Variants in PRKG1 observed in about 807,000 individuals in gnomAD.
PRKG1 encodes protein kinase cGMP-dependent 1, also known as cGMP-dependent protein kinase 1.
In PRKG1, 35 loss-of-function variants were observed where a neutral mutation model predicts 88.1. The ratio of observed to expected loss-of-function variants is 0.40; its 90% confidence interval spans 0.30 to 0.53. PRKG1 has a LOEUF of 0.53. Among genes scored for constraint, PRKG1 ranks in the 20% least tolerant of loss-of-function variants. The pLI, the probability that PRKG1 is intolerant of heterozygous loss-of-function variation, is 0.59. For missense variants in PRKG1, 540 were observed against 839.8 expected, an observed-to-expected ratio of 0.64 and a Z score of 4.41; for synonymous variants, 303 against 292.5, an observed-to-expected ratio of 1.04 and a Z score of -0.37.
At chr10:51,749,705 C>T (rs945509703) in intron 3 of PRKG1, among the ~76,000 whole-genome samples, 1 of 152,114 alleles carries the variant, frequency 6.6e-6, no homozygotes, top group Non-Finnish European at 1.5e-5. Context: ...TAGACAATAA[C>T]ATCAGTTTTG....
At chr10:51,725,561 G>A (rs1458659012) in intron 3 of PRKG1, among the ~76,000 whole-genome samples, 1 of 151,940 alleles carries the variant, frequency 6.6e-6, no homozygotes, top group Non-Finnish European at 1.5e-5. Flanking sequence ...ACAGAAGATG[G>A]GAAGATTCGA....
At chr10:51,136,541 C>CT (rs1370128281) in intron 1 of PRKG1, among the ~76,000 whole-genome samples, 1 of 123,512 alleles carries the variant, frequency 8.1e-6, no homozygotes, top group East Asian at 2.5e-4. Context: ...GGTAAAGAGA[C>CT]TGAGAGGAAA....
chr10:51,625,646 A>G (rs1839316685), intron 3 of PRKG1, among the ~76,000 whole-genome samples: 1 of 152,182 alleles, frequency 6.6e-6, no homozygotes, highest in South Asian at 2.1e-4. Context: ...TTTACTAAAA[A>G]TTATCATTTA....
rs560762184 is a variant in PRKG1 at position 51,179,138 on chromosome 10, A to T, written c.478+25808A>T. On this transcript the variant is annotated intron_variant, in intron 2 of 17. Transcript: ENST00000373980. ...TTTCAGTCAACCAGGGATTATGAAT[A>T]TGTAAATTGGTGCTCAGAACTCAGT... Among the ~76,000 whole-genome samples, 14 of 152,296 alleles carry T rather than the reference A, an allele frequency of 9.2e-5. No homozygotes were observed. In the South Asian group the frequency reaches 2.5e-3, roughly 27 times the overall value.
At chr10:52,119,458 A>T (rs1350193260) in intron 7 of PRKG1, among the ~76,000 whole-genome samples, 1 of 152,228 alleles carries the variant, frequency 6.6e-6, no homozygotes, top group Non-Finnish European at 1.5e-5. Flanking sequence ...GAGGTATTTT[A>T]GGTAAAAATC....
chr10:51,441,659 A>G (rs946809798), intron 2 of PRKG1, among the ~76,000 whole-genome samples: 30 of 151,990 alleles, frequency 2.0e-4, no homozygotes, highest in African/African-American at 6.3e-4. Context: ...CTGTTCTACC[A>G]GAAATTTTGT....
chr10:50,991,268 T>C lies in PRKG1; in HGVS notation c.-111T>C, dbSNP rs1842777482. On this transcript the variant is annotated 5_prime_UTR_variant, in exon 1 of 18. Coordinates refer to the PRKG1 transcript ENST00000401604. This position sits in a 1 kb window ranked among gnomAD's most constrained non-coding sequence, Gnocchi z 4.5. Reference sequence around the variant, plus strand: ...GCCGCGCTCGAGTACTTAGCGCCCATTCACTCGCTCACCCGCGCTCTCCGC... The same window carrying C: ...GCCGCGCTCGAGTACTTAGCGCCCACTCACTCGCTCACCCGCGCTCTCCGC... 1 of 1,420,828 alleles carries C rather than the reference T, an allele frequency of 7.0e-7. No homozygotes were observed. The highest frequency in any genetic ancestry group is 2.9e-5 in the Admixed American group (1 of 35,016). The allele number at this position is 1,420,828 out of a possible 1,614,324, so 88.0% of individuals were successfully genotyped here. A position where few individuals can be genotyped will look rare whatever the true frequency, so the allele number is the denominator to read the frequency against.
chr10:51,857,790 T>G (rs1333911399), intron 4 of PRKG1, among the ~76,000 whole-genome samples: 2 of 151,954 alleles, frequency 1.3e-5, no homozygotes, highest in African/African-American at 4.8e-5. Flanking sequence ...TAGCAAAATG[T>G]AATCACATTC....
At chr10:51,791,358 C>T (rs577714556) in intron 3 of PRKG1, among the ~76,000 whole-genome samples, 21 of 152,076 alleles carry the variant, frequency 1.4e-4, no homozygotes, top group Non-Finnish European at 1.8e-4. Context: ...TGCAATAAAT[C>T]TCTTAACTCT....
At chr10:51,525,383 A>G (rs1480324907) in intron 3 of PRKG1, among the ~76,000 whole-genome samples, 5 of 152,216 alleles carry the variant, frequency 3.3e-5, no homozygotes, top group Admixed American at 3.3e-4. Flanking sequence ...GCACTTCAAA[A>G]TAATATGGCG....
At chr10:52,086,273 T>C (rs1175688166) in intron 7 of PRKG1, among the ~76,000 whole-genome samples, 1 of 152,276 alleles carries the variant, frequency 6.6e-6, no homozygotes, top group South Asian at 2.1e-4. Flanking sequence ...CTTGTATTTC[T>C]TTTTGTAAAA....
chr10:51,998,502 T>C (rs1162654849), intron 5 of PRKG1, among the ~76,000 whole-genome samples: 1 of 152,184 alleles, frequency 6.6e-6, no homozygotes, highest in Non-Finnish European at 1.5e-5. Context: ...TGGAAAGATG[T>C]TTTTAAATAT....
In PRKG1 at chr10:51,492,643, C is replaced by T. The variant is rs113196437; in HGVS notation, c.592+24807C>T. On this transcript the variant is annotated intron_variant, in intron 3 of 17. Coordinates refer to ENST00000373980, the MANE Select transcript of PRKG1 (RefSeq NM_006258.4). ...TTTGTTTTGACTGGCTAAATTTAAA[C>T]ACAGAAATATACATACAGTAAAGCA... Among the ~76,000 whole-genome samples, 1,290 of 152,088 alleles carry T rather than the reference C, an allele frequency of 8.5e-3. 12 individuals are homozygous for T. The highest frequency in any genetic ancestry group is 0.029 in the African/African-American group (1,219 of 41,506).
chr10:52,141,648 G>A (rs1483258479), intron 8 of PRKG1, among the ~76,000 whole-genome samples: 1 of 152,154 alleles, frequency 6.6e-6, no homozygotes, highest in Non-Finnish European at 1.5e-5. Context: ...GTTCTCTTTA[G>A]TAACCTTTTG....
At chr10:51,456,515 A>G (rs1239953984) in intron 2 of PRKG1, among the ~76,000 whole-genome samples, 1 of 152,102 alleles carries the variant, frequency 6.6e-6, no homozygotes, top group Non-Finnish European at 1.5e-5. Flanking sequence ...AAAAAAAAAC[A>G]CTTTTAGATA....
rs376971176 is a variant in PRKG1, at chr10:51,999,264, A to G, written c.763-55220A>G. On this transcript the variant is annotated intron_variant, in intron 5 of 17. Coordinates refer to ENST00000373980, the MANE Select transcript of PRKG1 (RefSeq NM_006258.4). ...CTTCCAAATACAAGTTGAGGGCGTT[A>G]CATTGTCCGGGACAGAACTACAATT... Among the ~76,000 whole-genome samples, 19 of 152,324 alleles carry G rather than the reference A, an allele frequency of 1.2e-4. No homozygotes were observed. In the East Asian group the frequency reaches 3.3e-3, roughly 26 times the overall value.
intron 1 of PRKG1, among the ~76,000 whole-genome samples, chr10:51,052,178 T>C (rs575809868): frequency 2.6e-5 from 4 of 152,346 alleles, no homozygotes; most frequent in African/African-American, 9.6e-5. Context: ...ATATTTCTTT[T>C]ACCAGAGTTC....
chr10:51,343,051 C>T (rs1472758135), intron 2 of PRKG1, among the ~76,000 whole-genome samples: 1 of 152,120 alleles, frequency 6.6e-6, no homozygotes, highest in African/African-American at 2.4e-5. Context: ...TACAGTTGGG[C>T]CTCAGGTAGA....
intron 1 of PRKG1, among the ~76,000 whole-genome samples, chr10:51,023,888 A>C (rs891736159): frequency 2.6e-5 from 4 of 152,250 alleles, no homozygotes; most frequent in Non-Finnish European, 5.9e-5. Flanking sequence ...AAGAACATTC[A>C]GAACTGGCAG....
Sources: allele counts gnomAD v4.1 joint callset (sites outside exome capture counted in the v4.1 genomes callset), GRCh38; gene constraint gnomAD v4.1.1; non-coding constraint Gnocchi (gnomAD v3.1); transcripts MANE v1.5; gene names NCBI Gene and HGNC (gene_info 2026-07-23, HGNC 2026-07-21).